Variants in CRTAC1 observed in about 807,000 individuals in gnomAD.
CRTAC1 encodes the protein cartilage acidic protein 1.
Under a neutral mutation model 67.8 loss-of-function variants are expected in CRTAC1, and 37 were observed. That is an observed-to-expected ratio of 0.55 (90% CI 0.42 to 0.72). The LOEUF (loss-of-function observed/expected upper bound fraction) is 0.72, where lower values mean the gene tolerates loss of function less well. CRTAC1 is among the 30% of genes least tolerant of loss of function. The pLI is 0.00. For missense variants in CRTAC1, 780 were observed against 931.6 expected (o/e 0.84, Z 2.12); for synonymous variants, 348 against 371.0 (o/e 0.94, Z 0.71).
chr10:97,926,732 C>G (rs1303448789), intron 3 of CRTAC1, among the ~76,000 whole-genome samples: 1 of 152,184 alleles, frequency 6.6e-6, no homozygotes, highest in Admixed American at 6.5e-5. Flanking sequence ...TCCCACAAAA[C>G]TTAAAAAATG....
At chr10:97,987,423 A>G (rs1023078066) in intron 2 of CRTAC1, among the ~76,000 whole-genome samples, 43 of 152,198 alleles carry the variant, frequency 2.8e-4, no homozygotes, top group Non-Finnish European at 5.4e-4. Flanking sequence ...TCTTCTTTGC[A>G]TCACTGGATC....
intron 5 of CRTAC1, among the ~76,000 whole-genome samples, chr10:97,916,483 T>C (rs1010195544): frequency 1.1e-4 from 17 of 152,124 alleles, no homozygotes; most frequent in Non-Finnish European, 1.9e-4. Context: ...GGGAAAGGCA[T>C]TGTAAACTCA....
intron 5 of CRTAC1, among the ~76,000 whole-genome samples, chr10:97,910,844 G>A (rs2050680269): frequency 6.6e-6 from 1 of 152,292 alleles, no homozygotes; most frequent in South Asian, 2.1e-4. Flanking sequence ...CACATTCTGG[G>A]CTGGATGCCT....
At chr10:97,889,268 C>G (rs540896783) in intron 11 of CRTAC1, among the ~76,000 whole-genome samples, 2 of 151,444 alleles carry the variant, frequency 1.3e-5, no homozygotes, top group Admixed American at 1.3e-4. Context: ...TGCCTCAGCC[C>G]GCTGCCAGCT....
At chr10:97,983,519 G>A (rs947214330) in intron 2 of CRTAC1, among the ~76,000 whole-genome samples, 5 of 148,084 alleles carry the variant, frequency 3.4e-5, no homozygotes, top group Admixed American at 3.3e-4. Flanking sequence ...TCATTGGGTT[G>A]TGCTCTTTTG....
At chr10:97,991,047 TG>T (rs1842441002) in intron 2 of CRTAC1, among the ~76,000 whole-genome samples, 1 of 137,870 alleles carries the variant, frequency 7.3e-6, no homozygotes, top group East Asian at 2.1e-4. Flanking sequence ...GAAGATTGCT[TG>T]AGGCCAGGAG....
intron 2 of CRTAC1, among the ~76,000 whole-genome samples, chr10:97,988,132 T>G (rs61430130): frequency 6.6e-6 from 1 of 152,036 alleles, no homozygotes; most frequent in African/African-American, 2.4e-5. Context: ...ACATTTGGTC[T>G]CTGGCTCCTG....
intron 1 of CRTAC1, among the ~76,000 whole-genome samples, chr10:98,013,433 G>A (rs934421972): frequency 6.6e-6 from 1 of 152,192 alleles, no homozygotes; most frequent in Non-Finnish European, 1.5e-5. Flanking sequence ...AGCCTCTTTA[G>A]TTTTACCTTT....
chr10:97,933,866 T>C (rs936330495), intron 3 of CRTAC1, among the ~76,000 whole-genome samples: 10 of 152,246 alleles, frequency 6.6e-5, no homozygotes, highest in Non-Finnish European at 1.5e-4. Context: ...CTTTACCATC[T>C]GGTGACTGGG....
chr10:97,936,347 C>T lies in CRTAC1; in HGVS notation c.244G>A (p.Val82Ile), dbSNP rs2051088346. 2.5e-6 allele frequency: 4 copies of T among 1,611,436 alleles called. No individual in the cohort carries two copies. Among genetic ancestry groups the T allele is most frequent in the Admixed American group, 1.7e-5 (1 of 59,884 alleles). Residue 82 changes from valine to isoleucine, a missense_variant, in exon 3 of 15, where the codon GTT becomes ATT. Val to Ile is a conservative substitution (Grantham distance 29). Coordinates refer to ENST00000370597, the MANE Select transcript of CRTAC1 (RefSeq NM_018058.7). The part of the protein sequence containing the change: ...VVAGYNGPNL[V>I]LKYDRAQKRL... ...TTCTGGGCCCGGTCATACTTCAGAACCAGGTTGGGTCCATTGTACCTGGAG... is the reference window on the plus strand; with the variant it reads ...TTCTGGGCCCGGTCATACTTCAGAATCAGGTTGGGTCCATTGTACCTGGAG...
At chr10:98,028,406 C>T (rs186788194) in intron 1 of CRTAC1, among the ~76,000 whole-genome samples, 2 of 152,346 alleles carry the variant, frequency 1.3e-5, no homozygotes, top group Admixed American at 6.5e-5. Context: ...TTTAGGCTTC[C>T]ACCGCCTCAG....
chr10:97,997,935 G>A (rs1367223764), intron 2 of CRTAC1, among the ~76,000 whole-genome samples: 1 of 152,178 alleles, frequency 6.6e-6, no homozygotes, highest in African/African-American at 2.4e-5. Flanking sequence ...TGTCTGAGTA[G>A]AGTCCCAAAA....
intron 2 of CRTAC1, among the ~76,000 whole-genome samples, chr10:97,949,091 G>T (rs2051309161): frequency 6.6e-6 from 1 of 152,210 alleles, no homozygotes; most frequent in Non-Finnish European, 1.5e-5. Flanking sequence ...AGAAAGCTAG[G>T]GTTAGGTTCA....
intron 4 of CRTAC1, among the ~76,000 whole-genome samples, chr10:97,921,241 T>C (rs1214807325): frequency 6.6e-6 from 1 of 152,048 alleles, no homozygotes; most frequent in Non-Finnish European, 1.5e-5. Context: ...TACACTGAGA[T>C]CCACTGACCA....
chr10:97,969,552 G>A (rs1351105531), intron 2 of CRTAC1, among the ~76,000 whole-genome samples: 1 of 152,154 alleles, frequency 6.6e-6, no homozygotes, highest in Admixed American at 6.5e-5. Context: ...AAAGTTAGCT[G>A]ATCTTTGGAC....
chr10:97,901,731 T>A, intron 7 of CRTAC1, 92 bp from the exon 8 acceptor site: 1 of 1,498,560 alleles, frequency 6.7e-7, no homozygotes, highest in Non-Finnish European at 9.1e-7. Context: ...CAATTAAAAA[T>A]AAGAGACAGT....
intron 4 of CRTAC1, among the ~76,000 whole-genome samples, chr10:97,919,659 C>G (rs1459863074): frequency 6.6e-6 from 1 of 152,076 alleles, no homozygotes; most frequent in Non-Finnish European, 1.5e-5. Flanking sequence ...AAATATAGAC[C>G]CTCAGCAACC....
chr10:97,997,230 T>TATAATAATAATA (rs111567944), intron 2 of CRTAC1, among the ~76,000 whole-genome samples: 18 of 131,750 alleles, frequency 1.4e-4, no homozygotes, highest in African/African-American at 4.1e-4. Flanking sequence ...AAACTTAAAG[T>TATAATAATAATA]ATAATAATAA....
rs2136657515 is a variant in CRTAC1 at position 97,975,387 on chromosome 10, GCA to G, written c.224+35749_224+35750del. Reference sequence around the variant, plus strand: ...AGACTTCAGACCTCCGGGGCCCTGTGCACAGAGATGCTGGCTGCATGGGGCGT... The same window carrying G: ...AGACTTCAGACCTCCGGGGCCCTGTGCAGAGATGCTGGCTGCATGGGGCGT... On this transcript the variant is annotated intron_variant, in intron 2 of 14. Coordinates refer to ENST00000370597, the MANE Select transcript of CRTAC1 (RefSeq NM_018058.7). This position sits in a 1 kb window ranked among gnomAD's most constrained non-coding sequence, Gnocchi z 4.8. 1.3e-5 allele frequency among the ~76,000 whole-genome samples: 2 copies of G among 152,124 alleles called. No individual in the cohort carries two copies. Among genetic ancestry groups the G allele is most frequent in the South Asian group, 4.2e-4 (2 of 4,814 alleles).
Sources: allele counts gnomAD v4.1 joint callset (sites outside exome capture counted in the v4.1 genomes callset), GRCh38; gene constraint gnomAD v4.1.1; non-coding constraint Gnocchi (gnomAD v3.1); transcripts MANE v1.5; gene names NCBI Gene and HGNC (gene_info 2026-07-23, HGNC 2026-07-21).